FAM184A: variants seen among roughly 807,000 people sequenced by gnomAD.
The protein encoded by FAM184A is protein FAM184A.
A neutral mutation model predicts 143.8 loss-of-function variants in FAM184A; 99 were observed. That is an observed-to-expected ratio of 0.69 (90% CI 0.58 to 0.81). The LOEUF is 0.81. FAM184A is among the 40% of genes least tolerant of loss of function. The pLI is 0.00. For synonymous variants in FAM184A, 427 were observed against 446.4 expected, an observed-to-expected ratio of 0.96 and a Z score of 0.55; for missense variants, 1,217 against 1,310.5, an observed-to-expected ratio of 0.93 and a Z score of 1.10.
intron 11 of FAM184A, among the ~76,000 whole-genome samples, chr6:118,976,956 T>C (rs936959076): frequency 2.0e-5 from 3 of 152,094 alleles, no homozygotes; most frequent in African/African-American, 7.2e-5. Context: ...GGATGGAAAA[T>C]GGTACAATCA....
intron 1 of FAM184A, among the ~76,000 whole-genome samples, chr6:119,145,930 A>G (rs1179915365): frequency 2.0e-5 from 3 of 152,172 alleles, no homozygotes; most frequent in African/African-American, 4.8e-5. Context: ...TTTGCACATG[A>G]TTTTACAGCT....
At chr6:119,018,453 G>A (rs1389028939) in intron 4 of FAM184A, among the ~76,000 whole-genome samples, 1 of 152,188 alleles carries the variant, frequency 6.6e-6, no homozygotes, top group African/African-American at 2.4e-5. Flanking sequence ...AAAGTTTAGG[G>A]AGACAGAAAG....
intron 1 of FAM184A, among the ~76,000 whole-genome samples, chr6:119,070,701 G>A (rs1376801044): frequency 6.6e-6 from 1 of 151,820 alleles, no homozygotes; most frequent in Non-Finnish European, 1.5e-5. Context: ...GTTAGTGATT[G>A]TCTCCCATAG....
At chr6:119,053,697 C>T (rs779798096) in intron 1 of FAM184A, among the ~76,000 whole-genome samples, 2 of 152,172 alleles carry the variant, frequency 1.3e-5, no homozygotes, top group Non-Finnish European at 2.9e-5. Flanking sequence ...CACCCACACA[C>T]CCACAAAGGG....
chr6:119,099,267 C>G (rs1404922263), intron 1 of FAM184A, among the ~76,000 whole-genome samples: 1 of 151,584 alleles, frequency 6.6e-6, no homozygotes, highest in Non-Finnish European at 1.5e-5. Flanking sequence ...CAGTGTTTCC[C>G]TGAATCCTCA....
At chr6:119,034,041 T>TATATATATATAG (rs1409214932) in intron 1 of FAM184A, among the ~76,000 whole-genome samples, 3 of 42,004 alleles carry the variant, frequency 7.1e-5, no homozygotes, top group African/African-American at 3.2e-4. Context: ...TATATATATA[T>TATATATATATAG]AGAGAGAGAG....
intron 9 of FAM184A, among the ~76,000 whole-genome samples, chr6:118,986,811 CAT>C (rs1784210674): frequency 2.0e-5 from 3 of 152,114 alleles, no homozygotes; most frequent in Admixed American, 1.3e-4. Flanking sequence ...CCAATTAGCA[CAT>C]ATGTCAAAAT....
At chr6:119,081,734 C>T (rs542256029), upstream of FAM184A, among the ~76,000 whole-genome samples, 320 of 152,328 alleles carry the variant, frequency 2.1e-3, 1 homozygote, top group Non-Finnish European at 2.1e-3. Flanking sequence ...CACTCGACAG[C>T]CCAGGCTCTT....
Position 118,975,027 on chromosome 6 carries a change from A to G in FAM184A, c.2765T>C (p.Ile922Thr). 1 of 1,610,760 alleles carries G rather than the reference A, an allele frequency of 6.2e-7. No homozygotes were observed. The highest frequency in any genetic ancestry group is 8.5e-7 in the Non-Finnish European group (1 of 1,177,824). The change falls in exon 13 of 18, where the codon ATA (isoleucine) becomes ACA (threonine). Residue 922 changes from isoleucine to threonine, a missense_variant. Coordinates refer to ENST00000338891, the MANE Select transcript of FAM184A (RefSeq NM_024581.6). ...TCTGTTGTACTTAATGGCATACCTT[A>G]TCTGTTGGTTAGATTCACTTCGTAT... The part of the protein sequence containing the change: ...LRIRSESNQQ[I>T]RLHEQDLNKR...
chr6:119,086,510 G>C (rs368408105), intron 1 of FAM184A, among the ~76,000 whole-genome samples: 1 of 152,160 alleles, frequency 6.6e-6, no homozygotes, highest in East Asian at 1.9e-4. Context: ...TAGGAAGGTA[G>C]ATTACAAGCT....
rs149156196 is a variant in FAM184A at position 118,977,864 on chromosome 6, G to A, written c.2455+1501C>T. Among the ~76,000 whole-genome samples the A allele has an allele frequency of 4.6e-5, 7 of 152,282 alleles. No homozygotes were observed. In the East Asian group the frequency reaches 1.3e-3, roughly 29 times the overall value. Reference sequence around the variant, plus strand: ...GGAACTAGTTAAAGAGATCTCTGTAGTATTTCTTAAAACTGCATGTGAATC... The same window carrying A: ...GGAACTAGTTAAAGAGATCTCTGTAATATTTCTTAAAACTGCATGTGAATC... On this transcript the variant is annotated intron_variant, in intron 11 of 17. Coordinates refer to ENST00000338891, the MANE Select transcript of FAM184A (RefSeq NM_024581.6).
chr6:119,057,921 T>C (rs1787057969), intron 1 of FAM184A: 1 of 148,886 alleles, frequency 6.7e-6, no homozygotes, highest in Non-Finnish European at 1.5e-5. Context: ...ACATTAACAT[T>C]AGTGTTACTG....
At chr6:119,110,010 C>G (rs554694022) in intron 1 of FAM184A, among the ~76,000 whole-genome samples, 36 of 152,300 alleles carry the variant, frequency 2.4e-4, no homozygotes, top group African/African-American at 8.7e-4. Flanking sequence ...GACTATCTAT[C>G]CATCTCACCT....
chr6:118,970,008 A>ATTTTT lies in FAM184A; in HGVS notation c.2916-3061_2916-3057dup, dbSNP rs11272298. On this transcript the variant is annotated intron_variant, in intron 14 of 17. Transcript: ENST00000338891. ...ATATATATATAATATATATATATAT[A>ATTTTT]TTTTTTTTTTTTTGAGATGGAGTTT... Among the ~76,000 whole-genome samples, 31 of 18,930 alleles carry ATTTTT rather than the reference A, an allele frequency of 1.6e-3. 1 individual carries two copies. The highest frequency in any genetic ancestry group is 3.0e-3 in the East Asian group (1 of 328). The allele number at this position is 18,930 out of a possible 152,430, so 12.4% of individuals were successfully genotyped here.
intron 1 of FAM184A, among the ~76,000 whole-genome samples, chr6:119,036,014 T>C (rs113645194): frequency 1.4e-4 from 21 of 152,308 alleles, no homozygotes; most frequent in African/African-American, 5.1e-4. Flanking sequence ...TTTACAGAGT[T>C]TGACTCTTTT....
intron 10 of FAM184A, 134 bp downstream of exon 10, chr6:118,980,004 T>C (rs1377696635): frequency 1.5e-6 from 1 of 664,790 alleles, no homozygotes; most frequent in Non-Finnish European, 2.6e-6. Context: ...GCCATGATTG[T>C]GCTGCTGCAC....
chr6:119,029,577 T>C (rs1785794290), intron 1 of FAM184A, among the ~76,000 whole-genome samples: 2 of 152,076 alleles, frequency 1.3e-5, no homozygotes, highest in African/African-American at 2.4e-5. Flanking sequence ...TATGAGGATA[T>C]TAGAGACCCT....
Position 118,975,225 on chromosome 6 carries a change from G to T in FAM184A, c.2584-17C>A. On this transcript the variant is annotated splice_polypyrimidine_tract_variant and intron_variant, in intron 12 of 17. Coordinates refer to ENST00000338891, the MANE Select transcript of FAM184A (RefSeq NM_024581.6). The stretch of plus-strand genomic sequence containing the variant: ...CTCCTTACTCTGTTAAAAAAAAAAA[G>T]TCATTTTTAGAAGTTTTCTACATAT... The T allele has an allele frequency of 3.0e-6, 4 of 1,336,452 alleles. No individual in the cohort carries two copies. The highest frequency in any genetic ancestry group is 1.5e-5 in the South Asian group (1 of 67,812). 82.8% of individuals were successfully genotyped at this position (1,336,452 alleles called of 1,614,324 possible). A position where few individuals can be genotyped will look rare whatever the true frequency, so the allele number is the denominator to read the frequency against.
At position 118,976,175 on chromosome 6, in the gene FAM184A, TA is replaced by T; in HGVS notation, c.2456-132del. ...GTGTATGTCCATTAAATTAATAGATTATAAACTATGACAAATTTAAATATTA... is the reference window on the plus strand; with the variant it reads ...GTGTATGTCCATTAAATTAATAGATTTAAACTATGACAAATTTAAATATTA... On this transcript the variant is annotated intron_variant, in intron 11 of 17. Transcript: ENST00000338891. 3.7e-6 allele frequency: 3 copies of T among 810,972 alleles called. No homozygotes were observed. The African/African-American group carries it at 5.3e-5, about 14-fold the overall frequency. The allele number at this position is 810,972 out of a possible 1,614,324, so 50.2% of individuals were successfully genotyped here. A position where few individuals can be genotyped will look rare whatever the true frequency, so the allele number is the denominator to read the frequency against.
Sources: allele counts gnomAD v4.1 joint callset (sites outside exome capture counted in the v4.1 genomes callset), GRCh38; gene constraint gnomAD v4.1.1; transcripts MANE v1.5; gene names NCBI Gene and HGNC (gene_info 2026-07-23, HGNC 2026-07-21).